Variants in ARHGAP39 observed in about 807,000 individuals in gnomAD.
ARHGAP39 encodes the protein rho GTPase-activating protein 39.
In ARHGAP39, 44 loss-of-function variants were observed where a neutral mutation model predicts 106.9. The ratio of observed to expected loss-of-function variants is 0.41; its 90% CI spans 0.32 to 0.53. The LOEUF (loss-of-function observed/expected upper bound fraction) is 0.53. ARHGAP39 is among the 20% of genes least tolerant of loss of function. ARHGAP39 has a pLI of 0.21. For missense variants in ARHGAP39, 1,496 were observed against 1,577.3 expected (o/e 0.95, Z 0.87); for synonymous variants, 768 against 693.2 (o/e 1.11, Z -1.69).
At position 144,530,711 on chromosome 8, in the gene ARHGAP39, G is replaced by A. The variant is rs1462501611; in HGVS notation, c.3141C>T (p.Arg1047=). The A allele has an allele frequency of 1.9e-6, 3 of 1,601,564 alleles. No homozygotes were observed. Among genetic ancestry groups the A allele is most frequent in the African/African-American group, 1.3e-5 (1 of 74,738 alleles). ...CCGGGGAGGGAAGTACCTGCAGGAA[G>A]CGGATGAGGTAGCACAGCACCATGC... is the stretch of plus-strand genomic sequence containing the variant. ...INRMVLCYLI[R]FLQVFVQPAN... is the part of the protein sequence containing the mutation. The change falls in exon 11 of 12, where the codon CGC becomes CGT. Residue 1047 remains arginine (R), a synonymous_variant. Transcript: ENST00000377307.
At chr8:144,535,531 A>C (rs1816919604) in intron 7 of ARHGAP39, among the ~76,000 whole-genome samples, 1 of 152,248 alleles carries the variant, frequency 6.6e-6, no homozygotes, top group Admixed American at 6.5e-5. Context: ...TCAAGAAGGC[A>C]AGGAGGGAAT....
chr8:144,598,817 G>A (rs974131423), intron 2 of ARHGAP39, among the ~76,000 whole-genome samples: 2 of 152,184 alleles, frequency 1.3e-5, no homozygotes, highest in Non-Finnish European at 2.9e-5. Context: ...ACATGCAAAA[G>A]CCACTACAAA....
chr8:144,644,068 T>G lies in ARHGAP39; in HGVS notation c.-81-38373A>C, dbSNP rs1821379516. 6.6e-6 allele frequency among the ~76,000 whole-genome samples: 1 copy of G among 152,176 alleles called. No individual in the cohort carries two copies. The highest frequency in any genetic ancestry group is 6.5e-5 in the Admixed American group (1 of 15,286). On this transcript the variant is annotated intron_variant, in intron 1 of 11. Coordinates refer to ENST00000377307, the MANE Select transcript of ARHGAP39 (RefSeq NM_025251.3). The surrounding 1 kb of genome is among the most constrained non-coding windows in gnomAD (Gnocchi z 4.8). Reference sequence around the variant, plus strand: ...CCCAGCAATTCCACTCCCAGGAATCTAGTCGGGAGACATGAAGTCACAAAT... The same window carrying G: ...CCCAGCAATTCCACTCCCAGGAATCGAGTCGGGAGACATGAAGTCACAAAT...
chr8:144,556,432 GTATT>G (rs1429215828), intron 3 of ARHGAP39, among the ~76,000 whole-genome samples: 1 of 152,174 alleles, frequency 6.6e-6, no homozygotes, highest in East Asian at 1.9e-4. Context: ...AAACCGATAA[GTATT>G]TATGATCTAA....
At chr8:144,610,690 C>T (rs1047768852) in intron 1 of ARHGAP39, among the ~76,000 whole-genome samples, 6 of 150,690 alleles carry the variant, frequency 4.0e-5, no homozygotes, top group South Asian at 2.1e-4. Flanking sequence ...CCAGCCTGGG[C>T]GACAGTGAGA....
intron 1 of ARHGAP39, chr8:144,605,908 G>A: frequency 2.3e-6 from 1 of 443,520 alleles, no homozygotes; most frequent in Admixed American, 3.6e-5. Flanking sequence ...CACGCAGCAG[G>A]GAGGCTGTGC....
chr8:144,606,548 G>A (rs1820297643), intron 1 of ARHGAP39, among the ~76,000 whole-genome samples: 1 of 152,216 alleles, frequency 6.6e-6, no homozygotes, highest in South Asian at 2.1e-4. Flanking sequence ...TGAATTGACT[G>A]TTGTTATCCG....
Position 144,580,947 on chromosome 8 carries a change from G to A in ARHGAP39, c.411C>T (p.Ser137=), listed in dbSNP as rs371952496. 5.6e-6 allele frequency: 9 copies of A among 1,604,870 alleles called. No individual in the cohort carries two copies. In the African/African-American group the frequency reaches 1.1e-4, roughly 19 times the overall value. ...TGTCGGGCTCGGGCTCCAGGGAGGA[G>A]CTGGTGCTGCCCTCACGGCTGACGC... The part of the protein sequence containing the change: ...GSSVSREGST[S]SSLEPEPDTE... The change falls in exon 3 of 12, where the codon AGC becomes AGT. Residue 137 remains serine, a synonymous_variant. Coordinates refer to ENST00000377307, the MANE Select transcript of ARHGAP39 (RefSeq NM_025251.3).
At chr8:144,619,445 G>A (rs980453751) in intron 1 of ARHGAP39, among the ~76,000 whole-genome samples, 13 of 149,770 alleles carry the variant, frequency 8.7e-5, no homozygotes, top group African/African-American at 3.0e-4. Flanking sequence ...TGAGACAGCA[G>A]GTATGCTCGT....
At chr8:144,607,788 C>T (rs543784272) in intron 1 of ARHGAP39, among the ~76,000 whole-genome samples, 10 of 152,276 alleles carry the variant, frequency 6.6e-5, no homozygotes, top group South Asian at 4.1e-4. Flanking sequence ...TTAGAGGAAA[C>T]GCGCTTTCCG....
At chr8:144,690,997 G>A in the ARHGAP39 span, among the ~76,000 whole-genome samples, 3 of 152,054 alleles carry the variant, frequency 2.0e-5, no homozygotes, top group Non-Finnish European at 2.9e-5. Context: ...TGGGCTGGGC[G>A]CTTTGGGGCT....
At chr8:144,619,907 CGT>C (rs1345071242) in intron 1 of ARHGAP39, among the ~76,000 whole-genome samples, 31 of 133,972 alleles carry the variant, frequency 2.3e-4, no homozygotes, top group African/African-American at 5.7e-4. Context: ...CCTGAGAGAG[CGT>C]GTGTGCCCGT....
At chr8:144,602,802 G>A (rs1295292305) in intron 2 of ARHGAP39, among the ~76,000 whole-genome samples, 1 of 139,930 alleles carries the variant, frequency 7.1e-6, no homozygotes, top group East Asian at 2.2e-4. Context: ...GTGTGCATGT[G>A]CATGGAGGCG....
chr8:144,601,878 CCT>C (rs1819983842), intron 2 of ARHGAP39, among the ~76,000 whole-genome samples: 1 of 105,486 alleles, frequency 9.5e-6, no homozygotes, highest in African/African-American at 3.8e-5. Flanking sequence ...AGCTCACGTA[CCT>C]GTGTGTGTCC....
chr8:144,695,337 G>A, the ARHGAP39 span, among the ~76,000 whole-genome samples: 4 of 151,396 alleles, frequency 2.6e-5, no homozygotes, highest in East Asian at 7.9e-4. Flanking sequence ...GCCTCCCAAA[G>A]TGCTGGGATT....
chr8:144,645,217 G>A lies in ARHGAP39; in HGVS notation c.-81-39522C>T, dbSNP rs925641777. On this transcript the variant is annotated intron_variant, in intron 1 of 11. Coordinates refer to ENST00000377307, the MANE Select transcript of ARHGAP39 (RefSeq NM_025251.3). The surrounding 1 kb of genome is among the most constrained non-coding windows in gnomAD (Gnocchi z 4.4). ...AGTGCAACCATGTGGAGAAGAAGCT[G>A]GATGAAGTCACAGCCGTGAAACTCA... 6.6e-6 allele frequency among the ~76,000 whole-genome samples: 1 copy of A among 152,262 alleles called. No homozygotes were observed. The highest frequency in any genetic ancestry group is 6.5e-5 in the Admixed American group (1 of 15,290).
chr8:144,596,317 G>A (rs1171519461), intron 2 of ARHGAP39, among the ~76,000 whole-genome samples: 1 of 151,048 alleles, frequency 6.6e-6, no homozygotes, highest in Non-Finnish European at 1.5e-5. Flanking sequence ...AGTGGGCAGA[G>A]GGGACAGCTG....
Position 144,532,825 on chromosome 8 carries a change from C to A in ARHGAP39, c.2888+301G>T, listed in dbSNP as rs2721181. Among the ~76,000 whole-genome samples the A allele has an allele frequency of 0.11, 16,567 of 152,252 alleles. 2,943 individuals carry two copies. The highest frequency in any genetic ancestry group is 0.37 in the African/African-American group (15,353 of 41,492). ...AAGGGCTGCCTGTCATCTGAGGCTC[C>A]CACTCCAGGCTACCCATGGCTGGTG... On this transcript the variant is annotated intron_variant, in intron 9 of 11. Coordinates refer to ENST00000377307, the MANE Select transcript of ARHGAP39 (RefSeq NM_025251.3).
chr8:144,609,821 T>C (rs1268060981), intron 1 of ARHGAP39, among the ~76,000 whole-genome samples: 1 of 152,246 alleles, frequency 6.6e-6, no homozygotes, highest in African/African-American at 2.4e-5. Flanking sequence ...TTGGTTTTGC[T>C]ATCAGAGTAA....
Sources: gnomAD v4.1 joint callset for allele counts (sites outside exome capture counted in the v4.1 genomes callset) on GRCh38, gnomAD v4.1.1 for gene constraint, Gnocchi (gnomAD v3.1) non-coding constraint, MANE v1.5 for transcripts, NCBI Gene and HGNC (gene_info 2026-07-23, HGNC 2026-07-21) for gene names.